The following STRN variants were observed in gnomAD, a reference collection of about 807,000 sequenced individuals.
The protein encoded by STRN is protein phosphatase 2 regulatory subunit B'''alpha.
A neutral mutation model predicts 96.3 loss-of-function variants in STRN; 53 were observed. The observed-to-expected ratio is 0.55, with a 90% confidence interval of 0.44 to 0.69. STRN has a LOEUF of 0.69. Among genes scored for constraint, STRN ranks in the 30% least tolerant of loss-of-function variants. The pLI, the probability that STRN is intolerant of heterozygous loss-of-function variation, is 0.00. For missense variants in STRN, 987 were observed against 963.9 expected (o/e 1.02, Z -0.32); for synonymous variants, 428 against 355.9 (o/e 1.20, Z -2.28).
intron 10 of STRN, among the ~76,000 whole-genome samples, chr2:36,875,477 T>C (rs12476515): frequency 0.44 from 57,763 of 130,128 alleles, 13,776 homozygotes; most frequent in Middle Eastern, 0.61. Flanking sequence ...CTGCATTCCA[T>C]CCTGGGCAGC....
chr2:36,880,995 CTT>C, intron 9 of STRN, among the ~76,000 whole-genome samples: 5 of 152,128 alleles, frequency 3.3e-5, no homozygotes, highest in Admixed American at 3.3e-4. Flanking sequence ...CCTAAGGAGC[CTT>C]AGAACTTAAG....
rs75439291 is a variant in STRN, at chr2:36,874,574, A to G, written c.1323+3317T>C. On this transcript the variant is annotated intron_variant, in intron 10 of 17. Transcript: ENST00000263918. ...ACTTCAAGAAACTTAAATAAAAAGGAAAACAAACCTTGGCTAAAAAAATAG... is the reference window on the plus strand; with the variant it reads ...ACTTCAAGAAACTTAAATAAAAAGGGAAACAAACCTTGGCTAAAAAAATAG... Among the ~76,000 whole-genome samples the G allele has an allele frequency of 5.3e-5, 8 of 152,212 alleles. No homozygotes were observed. The East Asian group carries it at 1.5e-3, about 29-fold the overall frequency.
chr2:36,905,560 T>G lies in STRN; in HGVS notation c.471A>C (p.Gln157His). 1.2e-6 allele frequency: 2 copies of G among 1,613,808 alleles called. No homozygotes were observed. Among genetic ancestry groups the G allele is most frequent in the Non-Finnish European group, 1.7e-6 (2 of 1,179,892 alleles). ...CTTACTGTCTGAGTAGTTGTCGACC[T>G]TGTTTCCACATTAACTGGCTGTTTT... Reference protein sequence around the residue: ...PQQNSQLMWKQGRQLLRQYLQ... With the variant: ...PQQNSQLMWKHGRQLLRQYLQ... The change falls in exon 4 of 18, where the codon CAA becomes CAC. Residue 157 changes from glutamine to histidine, a missense_variant. Physicochemically the swap from Gln to His is conservative, Grantham distance 24. Coordinates refer to ENST00000263918, the MANE Select transcript of STRN (RefSeq NM_003162.4).
chr2:36,950,089 T>C (rs1012282706), intron 1 of STRN, among the ~76,000 whole-genome samples: 1 of 151,478 alleles, frequency 6.6e-6, no homozygotes, highest in African/African-American at 2.4e-5. Context: ...AGGTAGTAAA[T>C]GTGGTCGTTC....
chr2:36,895,310 G>C (rs1215642927), intron 6 of STRN, among the ~76,000 whole-genome samples: 3 of 150,574 alleles, frequency 2.0e-5, no homozygotes, highest in Non-Finnish European at 4.4e-5. Flanking sequence ...CTGGGCGACA[G>C]AGCAAGACTC....
At chr2:36,876,186 T>C (rs1267128723) in intron 10 of STRN, among the ~76,000 whole-genome samples, 2 of 151,732 alleles carry the variant, frequency 1.3e-5, no homozygotes, top group African/African-American at 4.8e-5. Context: ...GGGAGGATCA[T>C]TTGAGCCCGG....
intron 1 of STRN, among the ~76,000 whole-genome samples, chr2:36,934,702 G>T (rs966546996): frequency 1.3e-5 from 2 of 152,200 alleles, no homozygotes; most frequent in African/African-American, 4.8e-5. Flanking sequence ...AACGGAAGAA[G>T]GCTATCGACA....
At chr2:36,938,753 A>G (rs1219848106) in intron 1 of STRN, among the ~76,000 whole-genome samples, 1 of 152,116 alleles carries the variant, frequency 6.6e-6, no homozygotes, top group Non-Finnish European at 1.5e-5. Context: ...CTTAATGACA[A>G]TTTTGTGATT....
intron 12 of STRN, among the ~76,000 whole-genome samples, chr2:36,866,131 G>A (rs1416126657): frequency 6.6e-6 from 1 of 152,040 alleles, no homozygotes; most frequent in Non-Finnish European, 1.5e-5. Context: ...CTGGTGTGCA[G>A]TGGCATGACC....
At position 36,846,802 on chromosome 2, in the gene STRN, T is replaced by C. The variant is rs1008781859; in HGVS notation, c.*2654A>G. ...TAGCAAATGAGCTCCATATGACAGT[T>C]GAGTTTTGAGAAGGGTGCTGCAAGC... is the stretch of plus-strand genomic sequence containing the variant. On this transcript the variant is annotated 3_prime_UTR_variant, in exon 18 of 18. Coordinates refer to ENST00000263918, the MANE Select transcript of STRN (RefSeq NM_003162.4). 3 of 152,038 alleles carry C rather than the reference T, an allele frequency of 2.0e-5. No homozygotes were observed. The highest frequency in any genetic ancestry group is 1.3e-4 in the Admixed American group (2 of 15,246). The allele number at this position is 152,038 out of a possible 1,614,324, so 9.4% of individuals were successfully genotyped here.
rs569418236 is a variant in STRN, at chr2:36,896,454, T to A, written c.796-2421A>T. On this transcript the variant is annotated intron_variant, in intron 6 of 17. Transcript: ENST00000263918. ...AGAACAGGATCAGAATCGGAAGAGG[T>A]AGAGTTTGTAATAATAAGCATGTAT... is the stretch of plus-strand genomic sequence containing the variant. 1.8e-4 allele frequency among the ~76,000 whole-genome samples: 28 copies of A among 152,222 alleles called. No individual in the cohort carries two copies. In the East Asian group the frequency reaches 5.0e-3, roughly 27 times the overall value.
At chr2:36,891,878 T>A (rs1669409592) in intron 7 of STRN, among the ~76,000 whole-genome samples, 1 of 152,220 alleles carries the variant, frequency 6.6e-6, no homozygotes, top group Non-Finnish European at 1.5e-5. Context: ...CAACAGAATT[T>A]TTAAATGAAT....
intron 1 of STRN, among the ~76,000 whole-genome samples, chr2:36,943,657 AGCTGGGC>A (rs1670903308): frequency 6.6e-6 from 1 of 151,988 alleles, no homozygotes; most frequent in East Asian, 1.9e-4. Context: ...AGAAAAAATT[AGCTGGGC>A]GTGGTGGCAC....
At position 36,869,606 on chromosome 2, in the gene STRN, C is replaced by A. The variant is rs1465705106; in HGVS notation, c.1447G>T (p.Glu483Ter). 6.2e-7 allele frequency: 1 copy of A among 1,609,246 alleles called. No individual in the cohort carries two copies. The highest frequency in any genetic ancestry group is 8.5e-7 in the Non-Finnish European group (1 of 1,177,590). Residue 483 changes from glutamate to a stop codon, truncating the protein, a stop_gained, in exon 11 of 18, where the codon GAG becomes TAG. Transcript: ENST00000263918. LOFTEE classifies it high-confidence loss of function. ...TTCCACATTTTTAATGTGTGATCCT[C>A]TGATGCTGTTATCAAAACAGGCTCA... ...PIEPVLITASEDHTLKMWNLQ... is the reference protein window; with the variant it reads ...PIEPVLITAS
At chr2:36,869,517 AAAATATTC>A in intron 11 of STRN, 29 bp downstream of exon 11, 1 of 1,425,936 alleles carries the variant, frequency 7.0e-7, no homozygotes, top group Non-Finnish European at 9.3e-7. Context: ...AATGTTACTT[AAAATATTC>A]AAATAATGTT....
chr2:36,862,144 C>T (rs1359980787), intron 12 of STRN, among the ~76,000 whole-genome samples: 1 of 152,180 alleles, frequency 6.6e-6, no homozygotes, highest in Admixed American at 6.5e-5. Context: ...CTATGTACCA[C>T]ATTTTCTTTA....
rs180746558 is a variant in STRN, at chr2:36,960,998, G to A, written c.234+5232C>T. On this transcript the variant is annotated intron_variant, in intron 1 of 17. Transcript: ENST00000263918. ...TGCAGCCTTGATCTCCAGGGCTCAAGCAATCCTCCCATCTCAGCCTCACGA... is the reference window on the plus strand; with the variant it reads ...TGCAGCCTTGATCTCCAGGGCTCAAACAATCCTCCCATCTCAGCCTCACGA... Among the ~76,000 whole-genome samples the A allele has an allele frequency of 4.0e-3, 607 of 151,614 alleles. 1 individual carries two copies. The highest frequency in any genetic ancestry group is 5.7e-3 in the Non-Finnish European group (385 of 67,974).
Position 36,837,995 on chromosome 2 carries a change from T to TGATGTTACTTCCATGGG in STRN, c.*11460_*11461insCCCATGGAAGTAACATC, listed in dbSNP as rs1667860260. Among the ~76,000 whole-genome samples the TGATGTTACTTCCATGGG allele has an allele frequency of 6.6e-6, 1 of 152,138 alleles. No individual in the cohort carries two copies. The highest frequency in any genetic ancestry group is 1.5e-5 in the Non-Finnish European group (1 of 68,040). On this transcript the variant is annotated 3_prime_UTR_variant, in exon 18 of 18. Coordinates refer to ENST00000263918, the MANE Select transcript of STRN (RefSeq NM_003162.4). ...TCTGCCCCTCATGTTACTTCCATGGTTGATGTTACATTGCAGGGCAGAGGG... is the reference window on the plus strand; with the variant it reads ...TCTGCCCCTCATGTTACTTCCATGGTGATGTTACTTCCATGGGTGATGTTACATTGCAGGGCAGAGGG...
intron 13 of STRN, among the ~76,000 whole-genome samples, chr2:36,860,465 T>G (rs1418175226): frequency 6.6e-6 from 1 of 152,220 alleles, no homozygotes; most frequent in Non-Finnish European, 1.5e-5. Context: ...GGTTTGGTGG[T>G]AAAATTAATC....
Sources: allele counts gnomAD v4.1 joint callset (sites outside exome capture counted in the v4.1 genomes callset), GRCh38; gene constraint gnomAD v4.1.1; transcripts MANE v1.5; gene names NCBI Gene and HGNC (gene_info 2026-07-23, HGNC 2026-07-21).